CD58: variants seen among roughly 807,000 people sequenced by gnomAD.
CD58 encodes the protein CD58 molecule, also known as lymphocyte function-associated antigen 3.
CD58 carries 14 observed loss-of-function variants against 27.6 expected under a neutral mutation model. That is an observed-to-expected ratio of 0.51 (90% CI 0.34 to 0.79). The LOEUF (loss-of-function observed/expected upper bound fraction) is 0.79, where lower values mean the gene tolerates loss of function less well. CD58 is among the 30% of genes least tolerant of loss of function. The probability of loss-of-function intolerance (pLI) is 0.02; values close to 1 mark genes in which losing one functional copy is unlikely to be tolerated. For synonymous variants in CD58, 117 were observed against 103.8 expected, an observed-to-expected ratio of 1.13 and a Z score of -0.77; for missense variants, 268 against 301.7, an observed-to-expected ratio of 0.89 and a Z score of 0.83.
rs988975503 is a variant in CD58, at chr1:116,550,642, A to C, written c.71-6038T>G. Among the ~76,000 whole-genome samples the C allele has an allele frequency of 1.3e-5, 2 of 152,158 alleles. No individual in the cohort carries two copies. Among genetic ancestry groups the C allele is most frequent in the African/African-American group, 4.8e-5 (2 of 41,434 alleles). On this transcript the variant is annotated intron_variant, in intron 1 of 5. Coordinates refer to ENST00000369489, the MANE Select transcript of CD58 (RefSeq NM_001779.3). The surrounding 1 kb of genome is among the most constrained non-coding windows in gnomAD (Gnocchi z 4.2). ...AATCAAATTCTTCCAAACTCCTGTTAATGTTGATATTTTGATCTTCTCCCA... is the reference window on the plus strand; with the variant it reads ...AATCAAATTCTTCCAAACTCCTGTTCATGTTGATATTTTGATCTTCTCCCA...
rs1156915098 is a variant in CD58 at position 116,546,718 on chromosome 1, CAGG to C, written c.71-2117_71-2115del. 1.6e-3 allele frequency among the ~76,000 whole-genome samples: 239 copies of C among 152,194 alleles called. 4 individuals carry two copies. Among genetic ancestry groups the C allele is most frequent in the Middle Eastern group, 6.8e-3 (2 of 294 alleles). On this transcript the variant is annotated intron_variant, in intron 1 of 5. Coordinates refer to ENST00000369489, the MANE Select transcript of CD58 (RefSeq NM_001779.3). The surrounding 1 kb of genome is among the most constrained non-coding windows in gnomAD (Gnocchi z 4.1). ...CTTGAGAACAGTAGAAGAAAGTAGT[CAGG>C]AATGGAGCTAGTGGTGGAGGGAAGT...
In CD58 at chr1:116,522,288, T is replaced by G. The variant is rs1358209480; in HGVS notation, c.629-305A>C. 2.0e-5 allele frequency among the ~76,000 whole-genome samples: 3 copies of G among 152,220 alleles called. No individual in the cohort carries two copies. The highest frequency in any genetic ancestry group is 3.8e-4 in the East Asian group (2 of 5,202). On this transcript the variant is annotated intron_variant, in intron 3 of 5. Coordinates refer to ENST00000369489, the MANE Select transcript of CD58 (RefSeq NM_001779.3). The surrounding 1 kb of genome is among the most constrained non-coding windows in gnomAD (Gnocchi z 4.6). ...TGCCATGATTTTGCATTTTTGTGCT[T>G]TTTTGTTGGTGATTTCACTATTTTA...
intron 1 of CD58, among the ~76,000 whole-genome samples, chr1:116,548,147 T>C (rs1270479264): frequency 6.6e-6 from 1 of 152,216 alleles, no homozygotes; most frequent in Non-Finnish European, 1.5e-5. Flanking sequence ...TTTGATGGGA[T>C]TGTTTGCTTT....
chr1:116,551,472 C>T (rs567753275), intron 1 of CD58, among the ~76,000 whole-genome samples: 307 of 152,316 alleles, frequency 2.0e-3, no homozygotes, highest in African/African-American at 7.1e-3. Flanking sequence ...CTCTCTCAGC[C>T]TTCACAGAAC....
At position 116,563,854 on chromosome 1, in the gene CD58, T is replaced by C. The variant is rs982368286; in HGVS notation, c.70+7049A>G. On this transcript the variant is annotated intron_variant, in intron 1 of 5. Transcript: ENST00000369489. This position sits in a 1 kb window ranked among gnomAD's most constrained non-coding sequence, Gnocchi z 4.1. ...GGTTTCTGATATGCCCTGGAGACAT[T>C]TTCCCCATTGTCTTCGTGATTAACA... 1.3e-5 allele frequency among the ~76,000 whole-genome samples: 2 copies of C among 152,228 alleles called. No individual in the cohort carries two copies. The highest frequency in any genetic ancestry group is 2.4e-5 in the African/African-American group (1 of 41,462).
At chr1:116,548,181 C>A (rs1277071529) in intron 1 of CD58, among the ~76,000 whole-genome samples, 2 of 152,142 alleles carry the variant, frequency 1.3e-5, no homozygotes, top group African/African-American at 4.8e-5. Flanking sequence ...TGTTTGACTT[C>A]CTTATAGATT....
At chr1:116,525,686 C>T (rs557893139) in intron 3 of CD58, among the ~76,000 whole-genome samples, 1 of 152,310 alleles carries the variant, frequency 6.6e-6, no homozygotes, top group East Asian at 1.9e-4. Flanking sequence ...TCCTCACTGG[C>T]ATTTGGTGCT....
chr1:116,554,681 G>A, intron 1 of CD58, among the ~76,000 whole-genome samples: 1 of 152,082 alleles, frequency 6.6e-6, no homozygotes, highest in East Asian at 1.9e-4. Flanking sequence ...TGGTGATGGT[G>A]AGATTTCAAT....
intron 3 of CD58, 21 bp downstream of exon 3, chr1:116,535,944 C>G (rs371794438): frequency 1.1e-5 from 17 of 1,572,252 alleles, no homozygotes; most frequent in Non-Finnish European, 1.4e-5. Context: ...GCCTCCATGA[C>G]ACATTTAGTT....
rs1208404599 is a variant in CD58 at position 116,515,105 on chromosome 1, C to G, written c.744-283G>C. 6.6e-6 allele frequency among the ~76,000 whole-genome samples: 1 copy of G among 152,206 alleles called. No individual in the cohort carries two copies. Among genetic ancestry groups the G allele is most frequent in the African/African-American group, 2.4e-5 (1 of 41,456 alleles). ...TGAGTATAACTGAAAGATTGAACAA[C>G]AGAGCTGAGACTGTTAGACCCACAT... On this transcript the variant is annotated intron_variant, in intron 5 of 5. Coordinates refer to ENST00000369489, the MANE Select transcript of CD58 (RefSeq NM_001779.3). The surrounding 1 kb of genome is among the most constrained non-coding windows in gnomAD (Gnocchi z 4.6).
intron 1 of CD58, among the ~76,000 whole-genome samples, chr1:116,561,342 G>A (rs903701401): frequency 6.6e-6 from 1 of 152,198 alleles, no homozygotes; most frequent in African/African-American, 2.4e-5. Flanking sequence ...GGGGAAATCT[G>A]AATACGGGTA....
At chr1:116,526,284 G>C (rs1657430461) in intron 3 of CD58, among the ~76,000 whole-genome samples, 1 of 151,986 alleles carries the variant, frequency 6.6e-6, no homozygotes. Context: ...AAGTTATCTA[G>C]GTTTTCTCTT....
At position 116,517,631 on chromosome 1, in the gene CD58, C is replaced by T. The variant is rs1047575119; in HGVS notation, c.743+1600G>A. Among the ~76,000 whole-genome samples, 2 of 152,182 alleles carry T rather than the reference C, an allele frequency of 1.3e-5. No individual in the cohort carries two copies. Among genetic ancestry groups the T allele is most frequent in the Non-Finnish European group, 2.9e-5 (2 of 68,032 alleles). On this transcript the variant is annotated intron_variant, in intron 5 of 5. Coordinates refer to ENST00000369489, the MANE Select transcript of CD58 (RefSeq NM_001779.3). This position sits in a 1 kb window ranked among gnomAD's most constrained non-coding sequence, Gnocchi z 6.5. ...AGCCTCCTCCCTCGAGTCTCTAACC[C>T]GGGGCTACCCTGGCTCTGATCCTGG...
chr1:116,546,474 A>G lies in CD58; in HGVS notation c.71-1870T>C, dbSNP rs1400616010. Reference sequence around the variant, plus strand: ...TTATGCATTATTTCCTCCACTCAACAGAGTATGTGGGAAGGCACAAGAAAA... The same window carrying G: ...TTATGCATTATTTCCTCCACTCAACGGAGTATGTGGGAAGGCACAAGAAAA... On this transcript the variant is annotated intron_variant, in intron 1 of 5. Transcript: ENST00000369489. This position sits in a 1 kb window ranked among gnomAD's most constrained non-coding sequence, Gnocchi z 4.1. Among the ~76,000 whole-genome samples the G allele has an allele frequency of 2.0e-5, 3 of 152,204 alleles. No homozygotes were observed. Among genetic ancestry groups the G allele is most frequent in the African/African-American group, 7.2e-5 (3 of 41,450 alleles).
chr1:116,566,972 C>G (rs1164988301), intron 1 of CD58, among the ~76,000 whole-genome samples: 1 of 150,478 alleles, frequency 6.6e-6, no homozygotes, highest in African/African-American at 2.5e-5. Flanking sequence ...AACCCCGTCT[C>G]TATAAAAAAT....
rs899142507 is a variant in CD58, at chr1:116,523,069, T to G, written c.629-1086A>C. 3.3e-5 allele frequency among the ~76,000 whole-genome samples: 5 copies of G among 152,206 alleles called. No homozygotes were observed. Among genetic ancestry groups the G allele is most frequent in the African/African-American group, 1.2e-4 (5 of 41,454 alleles). On this transcript the variant is annotated intron_variant, in intron 3 of 5. Coordinates refer to ENST00000369489, the MANE Select transcript of CD58 (RefSeq NM_001779.3). The surrounding 1 kb of genome is among the most constrained non-coding windows in gnomAD (Gnocchi z 4.4). Reference sequence around the variant, plus strand: ...TGAGTAGATGTTATTGGTATCTCTATTAATATCTTGTGACTCTGCAATTCC... The same window carrying G: ...TGAGTAGATGTTATTGGTATCTCTAGTAATATCTTGTGACTCTGCAATTCC...
At chr1:116,520,433 T>C (rs1417853559) in intron 4 of CD58, among the ~76,000 whole-genome samples, 1 of 151,634 alleles carries the variant, frequency 6.6e-6, no homozygotes, top group African/African-American at 2.4e-5. Flanking sequence ...TTTTTTTTTT[T>C]AAGAACAAAT....
intron 1 of CD58, among the ~76,000 whole-genome samples, chr1:116,549,058 G>A (rs907417467): frequency 4.6e-5 from 7 of 152,180 alleles, no homozygotes; most frequent in African/African-American, 1.4e-4. Flanking sequence ...TCAGAACAGC[G>A]TGGTCCCACA....
rs1659092663 is a variant in CD58, at chr1:116,570,204, G to A, written c.70+699C>T. Among the ~76,000 whole-genome samples, 1 of 152,192 alleles carries A rather than the reference G, an allele frequency of 6.6e-6. No individual in the cohort carries two copies. The highest frequency in any genetic ancestry group is 1.5e-5 in the Non-Finnish European group (1 of 68,034). On this transcript the variant is annotated intron_variant, in intron 1 of 5. Transcript: ENST00000369489. This position sits in a 1 kb window ranked among gnomAD's most constrained non-coding sequence, Gnocchi z 6.4. ...GGATGGGGAGGCAAAATGGGAAGAA[G>A]GGGACCTATTTCCTGAGGTTGTTGT... is the stretch of plus-strand genomic sequence containing the variant.
Sources: gnomAD v4.1 joint callset for allele counts (sites outside exome capture counted in the v4.1 genomes callset) on GRCh38, gnomAD v4.1.1 for gene constraint, Gnocchi (gnomAD v3.1) non-coding constraint, MANE v1.5 for transcripts, NCBI Gene and HGNC (gene_info 2026-07-23, HGNC 2026-07-21) for gene names.